The following SMAD3 variants were observed in gnomAD, a reference collection of about 807,000 sequenced individuals.
SMAD3 encodes MAD homolog 3.
SMAD3 carries 12 observed loss-of-function variants against 51.8 expected under a neutral mutation model. That is an observed-to-expected ratio of 0.23 (90% CI 0.15 to 0.38). The LOEUF (loss-of-function observed/expected upper bound fraction) is 0.38, where lower values mean the gene tolerates loss of function less well. SMAD3 is among the 10% of genes least tolerant of loss of function. The pLI, the probability that SMAD3 is intolerant of heterozygous loss-of-function variation, is 1.00. For synonymous variants in SMAD3, 238 were observed against 227.7 expected (o/e 1.05, Z -0.41); for missense variants, 294 against 565.6 (o/e 0.52, Z 4.87).
chr15:67,146,417 A>G (rs1233723090), intron 1 of SMAD3, among the ~76,000 whole-genome samples: 1 of 152,208 alleles, frequency 6.6e-6, no homozygotes, highest in Non-Finnish European at 1.5e-5. Context: ...TTTGAAGGTT[A>G]TAGACCCAGG....
Position 67,192,162 on chromosome 15 carries a change from C to G in SMAD3, c.*1626C>G, listed in dbSNP as rs528721359. On this transcript the variant is annotated 3_prime_UTR_variant, in exon 9 of 9. Coordinates refer to ENST00000327367, the MANE Select transcript of SMAD3 (RefSeq NM_005902.4). ...GGAAGTGTATATACTTTTGGCAAGT[C>G]ATACAGCTCAAATGTGATGAGATTT... 4.3e-6 allele frequency: 1 copy of G among 232,758 alleles called. No individual in the cohort carries two copies. The highest frequency in any genetic ancestry group is 5.6e-5 in the Admixed American group (1 of 17,768). The allele number at this position is 232,758 out of a possible 1,614,324, so 14.4% of individuals were successfully genotyped here. A position where few individuals can be genotyped will look rare whatever the true frequency, so the allele number is the denominator to read the frequency against.
intron 1 of SMAD3, among the ~76,000 whole-genome samples, chr15:67,149,313 G>A (rs546836634): frequency 1.3e-5 from 2 of 152,282 alleles, no homozygotes; most frequent in South Asian, 4.1e-4. Flanking sequence ...CTAGGAAGTG[G>A]GGGTGAGGTG....
chr15:67,165,335 C>T lies in SMAD3; in HGVS notation c.483C>T (p.Pro161=), dbSNP rs202203039. The change falls in exon 3 of 9, where the codon CCC becomes CCT. Residue 161 remains proline (P), a synonymous_variant. Transcript: ENST00000327367. ...PPLDDYSHSI[P]ENTNFPAGIE... Reference sequence around the variant, plus strand: ...TGGACGACTACAGCCATTCCATCCCCGAAAACACTAACTTCCCCGCAGGCA... The same window carrying T: ...TGGACGACTACAGCCATTCCATCCCTGAAAACACTAACTTCCCCGCAGGCA... 8.3e-5 allele frequency: 134 copies of T among 1,614,234 alleles called. 1 individual carries two copies. In the African/African-American group the frequency reaches 1.1e-3, roughly 13 times the overall value.
At chr15:67,089,677 T>C (rs142788699) in intron 1 of SMAD3, among the ~76,000 whole-genome samples, 2,651 of 152,332 alleles carry the variant, frequency 0.017, 41 homozygotes, top group Non-Finnish European at 0.022. Flanking sequence ...TTCCAACTGA[T>C]GTCACTGGGA....
At chr15:67,180,603 C>T (rs898522439) in intron 5 of SMAD3, among the ~76,000 whole-genome samples, 1 of 151,118 alleles carries the variant, frequency 6.6e-6, no homozygotes. Context: ...GCTCAGTCTG[C>T]AGATGATGCC....
intron 5 of SMAD3, among the ~76,000 whole-genome samples, chr15:67,171,635 C>T (rs1242114188): frequency 1.3e-5 from 2 of 152,194 alleles, no homozygotes; most frequent in Non-Finnish European, 2.9e-5. Flanking sequence ...TGCTTCCAGA[C>T]CTTGACTGAC....
intron 8 of SMAD3, among the ~76,000 whole-genome samples, chr15:67,189,510 C>T (rs1305573865): frequency 6.6e-6 from 1 of 152,246 alleles, no homozygotes; most frequent in African/African-American, 2.4e-5. Flanking sequence ...CCCACCGCGT[C>T]ACCGCTGCCT....
At chr15:67,123,226 T>C (rs1325547244) in intron 1 of SMAD3, among the ~76,000 whole-genome samples, 1 of 147,600 alleles carries the variant, frequency 6.8e-6, no homozygotes, top group Non-Finnish European at 1.5e-5. Flanking sequence ...CCAGGCGCAG[T>C]GGCTCACACC....
chr15:67,127,733 C>G (rs1961425902), intron 1 of SMAD3, among the ~76,000 whole-genome samples: 1 of 152,140 alleles, frequency 6.6e-6, no homozygotes, highest in Non-Finnish European at 1.5e-5. Context: ...ATTCACCCCA[C>G]CCCTCATCCT....
At chr15:67,083,370 G>A (rs1279601121) in intron 1 of SMAD3, among the ~76,000 whole-genome samples, 1 of 152,220 alleles carries the variant, frequency 6.6e-6, no homozygotes, top group African/African-American at 2.4e-5. Flanking sequence ...TATCTCTCTT[G>A]TGGGCTGCAC....
At chr15:67,155,499 G>A (rs566441738) in intron 1 of SMAD3, among the ~76,000 whole-genome samples, 20 of 152,298 alleles carry the variant, frequency 1.3e-4, no homozygotes, top group African/African-American at 4.6e-4. Context: ...AGAGCTCTCA[G>A]GGTGAGCTTA....
rs112868185 is a variant in SMAD3 at position 67,193,283 on chromosome 15, C to T, written c.*2747C>T. On this transcript the variant is annotated 3_prime_UTR_variant, in exon 9 of 9. Coordinates refer to ENST00000327367, the MANE Select transcript of SMAD3 (RefSeq NM_005902.4). ...GTGGCGTTCACCTAGTCAACACGAC[C>T]GCGTGTGTTGCCCCTGCCCTGGGCT... The T allele has an allele frequency of 1.6e-3, 382 of 233,396 alleles. 2 individuals are homozygous for T. The highest frequency in any genetic ancestry group is 7.1e-3 in the African/African-American group (322 of 45,446). The allele number at this position is 233,396 out of a possible 1,614,324, so 14.5% of individuals were successfully genotyped here.
chr15:67,183,031 AT>A (rs57749736), intron 6 of SMAD3, among the ~76,000 whole-genome samples: 1,337 of 29,578 alleles, frequency 0.045, 10 homozygotes, highest in Non-Finnish European at 0.049. Context: ...ATATATATAT[AT>A]TTTTTTTTTT....
chr15:67,102,673 T>C (rs933980673), intron 1 of SMAD3, among the ~76,000 whole-genome samples: 8 of 152,076 alleles, frequency 5.3e-5, no homozygotes, highest in African/African-American at 1.2e-4. Context: ...ATTCTGAACC[T>C]CTTGGTGGTC....
intron 1 of SMAD3, among the ~76,000 whole-genome samples, chr15:67,099,785 T>C (rs1018082763): frequency 6.6e-6 from 1 of 152,246 alleles, no homozygotes; most frequent in Non-Finnish European, 1.5e-5. Context: ...GATTATCTTA[T>C]TTAATTGTTG....
chr15:67,184,966 T>A, intron 7 of SMAD3, 102 bp downstream of exon 7: 1 of 1,434,906 alleles, frequency 7.0e-7, no homozygotes, highest in Non-Finnish European at 9.8e-7. Context: ...TGCTCACTCA[T>A]GATTGCGTTG....
intron 8 of SMAD3, among the ~76,000 whole-genome samples, chr15:67,188,917 A>G (rs1963292051): frequency 6.6e-6 from 1 of 152,216 alleles, no homozygotes. Context: ...TGTCTGCCCC[A>G]GGGTGTCAGG....
intron 1 of SMAD3, chr15:67,098,979 C>T (rs1349035438): frequency 2.8e-6 from 2 of 702,236 alleles, no homozygotes; most frequent in Non-Finnish European, 5.2e-6. Flanking sequence ...TGGACTTTTG[C>T]CCCAAACTGT....
At position 67,098,647 on chromosome 15, in the gene SMAD3, G is replaced by A. The variant is rs189286879; in HGVS notation, c.206+32287G>A. 6.5e-3 allele frequency: 3,487 copies of A among 540,056 alleles called. 27 individuals are homozygous for A. Among genetic ancestry groups the A allele is most frequent in the Non-Finnish European group, 8.2e-3 (2,449 of 299,460 alleles). 33.5% of individuals were successfully genotyped at this position (540,056 alleles called of 1,614,324 possible). On this transcript the variant is annotated intron_variant, in intron 1 of 8. Coordinates refer to ENST00000327367, the MANE Select transcript of SMAD3 (RefSeq NM_005902.4). ...CTGCTTATTTCGAGGGTGGGGCCGCGTTTTTCTCCTGCCACAGTGAGCTAA... is the reference window on the plus strand; with the variant it reads ...CTGCTTATTTCGAGGGTGGGGCCGCATTTTTCTCCTGCCACAGTGAGCTAA...
Sources: gnomAD v4.1 joint callset for allele counts (sites outside exome capture counted in the v4.1 genomes callset) on GRCh38, gnomAD v4.1.1 for gene constraint, MANE v1.5 for transcripts, NCBI Gene and HGNC (gene_info 2026-07-23, HGNC 2026-07-21) for gene names.